KAT7: variants seen among roughly 807,000 people sequenced by gnomAD.
The protein encoded by KAT7 is histone acetyltransferase KAT7.
In KAT7, 10 loss-of-function variants were observed where a neutral mutation model predicts 82.1. That is an observed-to-expected ratio of 0.12 (90% CI 0.08 to 0.21). KAT7 has a LOEUF of 0.21. KAT7 is among the 10% of genes least tolerant of loss of function. The pLI is 1.00. For missense variants in KAT7, 378 were observed against 760.9 expected (o/e 0.50, Z 5.92); for synonymous variants, 250 against 262.5 (o/e 0.95, Z 0.46).
Position 49,791,866 on chromosome 17 carries a change from C to T in KAT7, c.16-20C>T. 1.9e-6 allele frequency: 3 copies of T among 1,611,998 alleles called. No homozygotes were observed. The highest frequency in any genetic ancestry group is 2.5e-6 in the Non-Finnish European group (3 of 1,178,178). On this transcript the variant is annotated intron_variant, in intron 1 of 14. Transcript: ENST00000259021. ...AGACCAAATGCTTCTGTGCTAATAT[C>T]TGGATCTATGGTATTACAGAGGAAT... is the stretch of plus-strand genomic sequence containing the variant.
At chr17:49,794,485 C>T (rs954576582) in intron 2 of KAT7, among the ~76,000 whole-genome samples, 3 of 152,194 alleles carry the variant, frequency 2.0e-5, no homozygotes, top group South Asian at 2.1e-4. Context: ...AGGGTTTCAC[C>T]GTGTTGTCCA....
At chr17:49,819,281 T>C (rs930944019) in intron 9 of KAT7, among the ~76,000 whole-genome samples, 2 of 152,130 alleles carry the variant, frequency 1.3e-5, no homozygotes, top group African/African-American at 4.8e-5. Flanking sequence ...TGACTCAGGT[T>C]CTCCAGACCC....
rs1163416651 is a variant in KAT7 at position 49,821,638 on chromosome 17, C to G, written c.1246-12C>G. ...AGTGGCCCACACATGAACTCTGTTT[C>G]TCTGCTTCCAGATCTACTGCCAAAA... is the stretch of plus-strand genomic sequence containing the variant. On this transcript the variant is annotated splice_polypyrimidine_tract_variant and intron_variant, in intron 10 of 14. Transcript: ENST00000259021. 6.2e-7 allele frequency: 1 copy of G among 1,612,644 alleles called. No individual in the cohort carries two copies. The highest frequency in any genetic ancestry group is 8.5e-7 in the Non-Finnish European group (1 of 1,179,962).
In KAT7 at chr17:49,798,397, T is replaced by C. The variant is rs1475495401; in HGVS notation, c.419T>C (p.Ile140Thr). 10 of 1,614,110 alleles carry C rather than the reference T, an allele frequency of 6.2e-6. No individual in the cohort carries two copies. The highest frequency in any genetic ancestry group is 1.3e-5 in the African/African-American group (1 of 74,954). ...TGNAPSSESD[I>T]DISSPNVSHD... ...AATGCGCCTTCTTCTGAGTCTGACATAGACATCTCCAGCCCCAATGTATCT... is the reference window on the plus strand; with the variant it reads ...AATGCGCCTTCTTCTGAGTCTGACACAGACATCTCCAGCCCCAATGTATCT... Residue 140 changes from isoleucine (I) to threonine (T), a missense_variant, in exon 4 of 15, where the codon ATA (isoleucine) becomes ACA (threonine). By Grantham distance (89) the Ile-to-Thr change is moderately conservative. Coordinates refer to ENST00000259021, the MANE Select transcript of KAT7 (RefSeq NM_007067.5).
chr17:49,810,182 T>C, intron 6 of KAT7, among the ~76,000 whole-genome samples: 1 of 152,220 alleles, frequency 6.6e-6, no homozygotes, highest in South Asian at 2.1e-4. Context: ...CTATACCCAG[T>C]GCTTGGCAGG....
In KAT7 at chr17:49,826,796, A is replaced by G; in HGVS notation, c.1731A>G (p.Arg577=). The change falls in exon 14 of 15, where the codon AGA becomes AGG. Residue 577 remains arginine, a synonymous_variant. Coordinates refer to ENST00000259021, the MANE Select transcript of KAT7 (RefSeq NM_007067.5). ...AGGGAAAACACCTAGTTTTAAAGAG[A>G]CAGGTAAGGTTCTCATCAGGGGCTT... ...YWKGKHLVLK[R]QDLIDEWIAK... The G allele has an allele frequency of 1.9e-6, 3 of 1,597,860 alleles. No individual in the cohort carries two copies. The highest frequency in any genetic ancestry group is 2.6e-6 in the Non-Finnish European group (3 of 1,165,808).
chr17:49,821,451 G>T, intron 10 of KAT7, 25 bp downstream of exon 10: 2 of 1,593,298 alleles, frequency 1.3e-6, no homozygotes, highest in South Asian at 1.1e-5. Flanking sequence ...CTTTAGAAAG[G>T]AGTTGAAATG....
chr17:49,824,103 A>T (rs2074338499), intron 12 of KAT7, among the ~76,000 whole-genome samples: 1 of 152,232 alleles, frequency 6.6e-6, no homozygotes, highest in Non-Finnish European at 1.5e-5. Context: ...ACAGAAACAT[A>T]AAATAAGTTT....
chr17:49,820,296 T>C (rs2074286243), intron 9 of KAT7, among the ~76,000 whole-genome samples: 1 of 151,854 alleles, frequency 6.6e-6, no homozygotes, highest in African/African-American at 2.4e-5. Flanking sequence ...CTTTTTTCTT[T>C]TTTTTTTTTG....
chr17:49,801,253 C>T (rs1050279055), intron 4 of KAT7, among the ~76,000 whole-genome samples: 4 of 152,158 alleles, frequency 2.6e-5, no homozygotes, highest in African/African-American at 9.7e-5. Context: ...GTGGCGTGGT[C>T]ACTCACTGCA....
At chr17:49,807,275 G>T (rs1284886769) in intron 5 of KAT7, among the ~76,000 whole-genome samples, 1 of 152,244 alleles carries the variant, frequency 6.6e-6, no homozygotes, top group Non-Finnish European at 1.5e-5. Context: ...TGTTTCGGGG[G>T]TGAGGGTAGG....
rs2073899426 is a variant in KAT7 at position 49,792,211 on chromosome 17, TG to T, written c.163+184del. On this transcript the variant is annotated intron_variant, in intron 2 of 14. Coordinates refer to ENST00000259021, the MANE Select transcript of KAT7 (RefSeq NM_007067.5). ...TGTCAGGTCTTTAACAATGCCTCTG[TG>T]GGGGGCTACTATCCAATCTGTAGAC... is the stretch of plus-strand genomic sequence containing the variant. Among the ~76,000 whole-genome samples, 2 of 152,170 alleles carry T rather than the reference TG, an allele frequency of 1.3e-5. 1 individual carries two copies. The highest frequency in any genetic ancestry group is 4.8e-5 in the African/African-American group (2 of 41,436).
chr17:49,794,791 A>G (rs1217919971), intron 2 of KAT7, among the ~76,000 whole-genome samples: 1 of 152,236 alleles, frequency 6.6e-6, no homozygotes, highest in Non-Finnish European at 1.5e-5. Flanking sequence ...TCTGGTTATC[A>G]TACCTCATGA....
At chr17:49,827,039 G>A in intron 14 of KAT7, 1 of 469,126 alleles carries the variant, frequency 2.1e-6, no homozygotes, top group South Asian at 2.9e-5. Flanking sequence ...CAGTTAAGCA[G>A]CTTTATGTTG....
chr17:49,807,262 G>A (rs1008610268), intron 5 of KAT7, among the ~76,000 whole-genome samples: 3 of 152,210 alleles, frequency 2.0e-5, no homozygotes, highest in African/African-American at 7.2e-5. Flanking sequence ...TATAGAGAGA[G>A]TCTGTTTCGG....
chr17:49,821,540 C>T lies in KAT7; in HGVS notation c.1246-110C>T, dbSNP rs1360651983. 4.0e-6 allele frequency: 6 copies of T among 1,513,408 alleles called. No individual in the cohort carries two copies. The African/African-American group carries it at 8.3e-5, about 21-fold the overall frequency. 93.7% of individuals were successfully genotyped at this position (1,513,408 alleles called of 1,614,324 possible). On this transcript the variant is annotated intron_variant, in intron 10 of 14. Coordinates refer to ENST00000259021, the MANE Select transcript of KAT7 (RefSeq NM_007067.5). ...GAAGGACATAGAACTCTTCTCTTGC[C>T]AAAATACACAATGTGTTTCATTAAT...
intron 2 of KAT7, 25 bp downstream of exon 2, chr17:49,792,058 A>G: frequency 6.2e-7 from 1 of 1,608,144 alleles, no homozygotes; most frequent in South Asian, 1.1e-5. Flanking sequence ...ATTTTTCCTT[A>G]CCACTCCTCA....
intron 13 of KAT7, chr17:49,826,452 GT>G (rs2074369714): frequency 7.8e-6 from 4 of 512,266 alleles, no homozygotes; most frequent in Non-Finnish European, 1.4e-5. Flanking sequence ...GAACAATTTA[GT>G]TTGATCTATA....
intron 2 of KAT7, 116 bp from the exon 3 acceptor site, chr17:49,796,634 G>C: frequency 1.4e-6 from 1 of 732,088 alleles, no homozygotes. Context: ...TTAAGGATTT[G>C]TTGGATTTTG....
Sources: gnomAD v4.1 joint callset for allele counts (sites outside exome capture counted in the v4.1 genomes callset) on GRCh38, gnomAD v4.1.1 for gene constraint, MANE v1.5 for transcripts, NCBI Gene and HGNC (gene_info 2026-07-23, HGNC 2026-07-21) for gene names.